Variants in TCERG1 observed in about 807,000 individuals in gnomAD.
TCERG1 encodes the protein TATA box binding protein (TBP)-associated factor, RNA polymerase II, S, 150kD.
TCERG1 carries 37 observed loss-of-function variants against 144.7 expected under a neutral mutation model. That is an observed-to-expected ratio of 0.26 (90% CI 0.20 to 0.34). TCERG1 has a LOEUF of 0.34. Ranked by LOEUF, TCERG1 falls within the 10% of genes least tolerant of loss-of-function variation. The pLI, the probability that TCERG1 is intolerant of heterozygous loss-of-function variation, is 1.00. For synonymous variants in TCERG1, 492 were observed against 458.2 expected, an observed-to-expected ratio of 1.07 and a Z score of -0.94; for missense variants, 1,027 against 1,380.7, an observed-to-expected ratio of 0.74 and a Z score of 4.06.
Position 146,468,404 on chromosome 5 carries a change from G to A in TCERG1, c.1198+1G>A. Reference sequence around the variant, plus strand: ...AAGACAGTCGCTACCACCAAGACCGGTAATTTTTAAAACCATCTTAGTTTG... The same window carrying A: ...AAGACAGTCGCTACCACCAAGACCGATAATTTTTAAAACCATCTTAGTTTG... On this transcript the variant is annotated splice_donor_variant, in intron 6 of 22. Coordinates refer to ENST00000679501, the MANE Select transcript of TCERG1 (RefSeq NM_001382548.1). LOFTEE classifies it high-confidence loss of function. The A allele has an allele frequency of 1.9e-6, 3 of 1,610,812 alleles. No individual in the cohort carries two copies. The highest frequency in any genetic ancestry group is 2.5e-6 in the Non-Finnish European group (3 of 1,178,372).
chr5:146,479,154 A>T (rs764228015), intron 10 of TCERG1, among the ~76,000 whole-genome samples: 1 of 152,134 alleles, frequency 6.6e-6, no homozygotes, highest in Non-Finnish European at 1.5e-5. Context: ...AGGGCATACT[A>T]ATATATTGAG....
At chr5:146,477,784 ACCTCCCGGGCTCAGGTGAT>A (rs1364953934) in intron 9 of TCERG1, among the ~76,000 whole-genome samples, 1 of 140,832 alleles carries the variant, frequency 7.1e-6, no homozygotes, top group African/African-American at 2.7e-5. Context: ...TGCAGCCTTG[ACCTCCCGGGCTCAGGTGAT>A]CCTCCCACCT....
chr5:146,452,534 A>T (rs949643757), intron 1 of TCERG1, among the ~76,000 whole-genome samples: 3 of 152,180 alleles, frequency 2.0e-5, no homozygotes, highest in Admixed American at 2.0e-4. Context: ...ACAAGAGTGA[A>T]CACAATTCCT....
chr5:146,508,933 C>G (rs765605191), intron 21 of TCERG1, among the ~76,000 whole-genome samples: 13 of 152,146 alleles, frequency 8.5e-5, no homozygotes, highest in Non-Finnish European at 1.8e-4. Context: ...TTTATGATTC[C>G]TCATTCTTTC....
At chr5:146,496,732 C>T (rs1766936252) in intron 16 of TCERG1, among the ~76,000 whole-genome samples, 2 of 152,032 alleles carry the variant, frequency 1.3e-5, no homozygotes, top group South Asian at 4.1e-4. Flanking sequence ...GGCTGGGGTG[C>T]AGTGGCTCAG....
intron 15 of TCERG1, among the ~76,000 whole-genome samples, chr5:146,487,829 C>T (rs908260205): frequency 1.4e-4 from 22 of 151,900 alleles, no homozygotes; most frequent in Middle Eastern, 3.5e-3. Flanking sequence ...CTGGACGTAT[C>T]GTAGTACCAG....
rs781117287 is a variant in TCERG1 at position 146,469,582 on chromosome 5, A to G, written c.1237A>G (p.Ile413Val). ...PGMAPPIVPM[I>V]HPQVAIAASP... Reference sequence around the variant, plus strand: ...AATGGCCCCTCCTATCGTACCCATGATACATCCCCAGGTTGCTATTGCAGC... The same window carrying G: ...AATGGCCCCTCCTATCGTACCCATGGTACATCCCCAGGTTGCTATTGCAGC... Residue 413 changes from isoleucine (I) to valine (V), a missense_variant, in exon 7 of 23, where the codon ATA (isoleucine) becomes GTA (valine). Around this residue, in one of 6 missense-constraint regions of TCERG1, gnomAD observed 482 missense variants for 632.6 expected, o/e 0.76. Coordinates refer to ENST00000679501, the MANE Select transcript of TCERG1 (RefSeq NM_001382548.1). The G allele has an allele frequency of 1.9e-5, 30 of 1,612,400 alleles. No homozygotes were observed. The South Asian group carries it at 3.3e-4, about 18-fold the overall frequency.
Position 146,482,984 on chromosome 5 carries a change from T to C in TCERG1, c.2073+257T>C, listed in dbSNP as rs1765496639. On this transcript the variant is annotated intron_variant, in intron 14 of 22. Transcript: ENST00000679501. ...GGTCATTAAATTGTGGTGAGTAATA[T>C]AAGACGAGTATTAACATTACAGAAT... Among the ~76,000 whole-genome samples, 4 of 152,170 alleles carry C rather than the reference T, an allele frequency of 2.6e-5. No individual in the cohort carries two copies. The South Asian group carries it at 6.2e-4, about 24-fold the overall frequency.
intron 4 of TCERG1, chr5:146,461,946 G>T (rs1763366099): frequency 6.6e-6 from 1 of 152,474 alleles, no homozygotes; most frequent in South Asian, 2.1e-4. Context: ...TATGGGACTG[G>T]GCAAATGTTG....
intron 15 of TCERG1, among the ~76,000 whole-genome samples, chr5:146,487,117 G>A (rs1765916159): frequency 6.6e-6 from 1 of 152,014 alleles, no homozygotes; most frequent in African/African-American, 2.4e-5. Flanking sequence ...ACTGATTCAG[G>A]AAAATTACAG....
intron 1 of TCERG1, among the ~76,000 whole-genome samples, chr5:146,447,788 C>G (rs1287525137): frequency 6.6e-6 from 1 of 152,268 alleles, no homozygotes; most frequent in African/African-American, 2.4e-5. Flanking sequence ...TGATTTTCCT[C>G]ATCGACGTCT....
intron 6 of TCERG1, 28 bp from the exon 7 acceptor site, chr5:146,469,516 A>G (rs1764097733): frequency 6.5e-7 from 1 of 1,549,894 alleles, no homozygotes; most frequent in East Asian, 2.3e-5. Flanking sequence ...TGATACTTGG[A>G]TCTAATTTTT....
intron 4 of TCERG1, among the ~76,000 whole-genome samples, chr5:146,462,963 C>T (rs1299556578): frequency 6.6e-6 from 1 of 152,096 alleles, no homozygotes; most frequent in African/African-American, 2.4e-5. Flanking sequence ...GTCTTGTATT[C>T]TACTAGATAA....
chr5:146,474,933 T>G, intron 9 of TCERG1, among the ~76,000 whole-genome samples: 1 of 152,216 alleles, frequency 6.6e-6, no homozygotes, highest in East Asian at 1.9e-4. Flanking sequence ...TTTGCTGTAT[T>G]TTGTTGGTCT....
chr5:146,456,081 GGAA>G (rs1376498450), intron 2 of TCERG1, among the ~76,000 whole-genome samples: 4 of 152,150 alleles, frequency 2.6e-5, no homozygotes, highest in African/African-American at 9.7e-5. Context: ...TACTAAAAAT[GGAA>G]GAAGACAATG....
intron 14 of TCERG1, 75 bp downstream of exon 14, chr5:146,482,802 A>C: frequency 4.1e-6 from 6 of 1,463,826 alleles, no homozygotes; most frequent in Non-Finnish European, 3.6e-6. Flanking sequence ...AAAAGGTCAA[A>C]TCTAAGGTTA....
In TCERG1 at chr5:146,483,116, C is replaced by T. The variant is rs549154406; in HGVS notation, c.2073+389C>T. 4.2e-3 allele frequency among the ~76,000 whole-genome samples: 632 copies of T among 152,152 alleles called. 2 individuals carry two copies. Among genetic ancestry groups the T allele is most frequent in the African/African-American group, 0.014 (600 of 41,518 alleles). ...TGATACTTTGTGATATTATTATTTG[C>T]AATTTAATTGAGAAGGGATTTCAAC... On this transcript the variant is annotated intron_variant, in intron 14 of 22. Coordinates refer to ENST00000679501, the MANE Select transcript of TCERG1 (RefSeq NM_001382548.1).
intron 15 of TCERG1, among the ~76,000 whole-genome samples, chr5:146,484,101 A>ATG (rs140572073): frequency 2.6e-5 from 4 of 152,004 alleles, no homozygotes; most frequent in Non-Finnish European, 2.9e-5. Flanking sequence ...GTACATATAT[A>ATG]TGTGTGTGTG....
rs1452179135 is a variant in TCERG1, at chr5:146,483,595, G to A, written c.2129G>A (p.Arg710Gln). Residue 710 changes from arginine (R) to glutamine (Q), a missense_variant, in exon 15 of 23, where the codon CGG (arginine) becomes CAG (glutamine). Around this residue, in one of 6 missense-constraint regions of TCERG1, gnomAD observed 482 missense variants for 632.6 expected, o/e 0.76. Coordinates refer to ENST00000679501, the MANE Select transcript of TCERG1 (RefSeq NM_001382548.1). Reference sequence around the variant, plus strand: ...TTGCACAAGATAGTTTTTGATCCCCGGTACTTACTTCTCAATCCTAAAGAG... The same window carrying A: ...TTGCACAAGATAGTTTTTGATCCCCAGTACTTACTTCTCAATCCTAAAGAG... ...KELHKIVFDP[R>Q]YLLLNPKERK... The A allele has an allele frequency of 1.9e-6, 3 of 1,612,042 alleles. No homozygotes were observed. The highest frequency in any genetic ancestry group is 2.5e-6 in the Non-Finnish European group (3 of 1,178,954).
Sources: allele counts gnomAD v4.1 joint callset (sites outside exome capture counted in the v4.1 genomes callset), GRCh38; gene constraint gnomAD v4.1.1; regional missense constraint gnomAD v4.1.1; transcripts MANE v1.5; gene names NCBI Gene and HGNC (gene_info 2026-07-23, HGNC 2026-07-21).